Variants in SH3RF3 observed in about 807,000 individuals in gnomAD.
SH3RF3 encodes the protein E3 ubiquitin-protein ligase SH3RF3.
A neutral mutation model predicts 66.3 loss-of-function variants in SH3RF3; 29 were observed. The observed-to-expected ratio is 0.44, with a 90% confidence interval of 0.33 to 0.60. The LOEUF is 0.60. Among genes scored for constraint, SH3RF3 ranks in the 20% least tolerant of loss-of-function variants. The pLI is 0.04. For missense variants in SH3RF3, 1,194 were observed against 1,190.9 expected (o/e 1.00, Z -0.04); for synonymous variants, 583 against 532.0 (o/e 1.10, Z -1.32).
chr2:109,201,115 C>A (rs549524330), intron 1 of SH3RF3, among the ~76,000 whole-genome samples: 1 of 152,216 alleles, frequency 6.6e-6, no homozygotes, highest in Non-Finnish European at 1.5e-5. Flanking sequence ...TCAGCACAGA[C>A]CTTATTTTAT....
chr2:109,347,726 A>G lies in SH3RF3; in HGVS notation c.626A>G (p.Glu209Gly). The G allele has an allele frequency of 6.2e-7, 1 of 1,613,886 alleles. No homozygotes were observed. The highest frequency in any genetic ancestry group is 8.5e-7 in the Non-Finnish European group (1 of 1,179,850). The change falls in exon 2 of 10, where the codon GAA becomes GGA. Residue 209 changes from glutamate (E) to glycine (G), a missense_variant. By Grantham distance (98) the Glu-to-Gly change is moderately conservative (BLOSUM62 -2). Transcript: ENST00000309415. The part of the protein sequence containing the change: ...GKALYSYEGK[E>G]PGDLKFNKGD... ...GCCCTCTACAGCTACGAGGGGAAGG[A>G]ACCTGGTGACCTCAAGTTCAACAAG...
At chr2:109,264,406 GC>G (rs1350614451) in intron 1 of SH3RF3, among the ~76,000 whole-genome samples, 2 of 151,070 alleles carry the variant, frequency 1.3e-5, no homozygotes, top group African/African-American at 2.4e-5. Flanking sequence ...GTCTGTGGGT[GC>G]CCCCCATCCA....
intron 3 of SH3RF3, among the ~76,000 whole-genome samples, chr2:109,392,615 C>T (rs572245809): frequency 6.6e-6 from 1 of 152,014 alleles, no homozygotes; most frequent in East Asian, 1.9e-4. Flanking sequence ...CGTGGGTTCA[C>T]GCCAGCCGTT....
At chr2:109,176,036 T>C (rs1479373104) in intron 1 of SH3RF3, among the ~76,000 whole-genome samples, 1 of 152,004 alleles carries the variant, frequency 6.6e-6, no homozygotes, top group African/African-American at 2.4e-5. Context: ...TCCTTGAGAC[T>C]CTGTCTTCAC....
At position 109,164,593 on chromosome 2, in the gene SH3RF3, C is replaced by T. The variant is rs1558935282; in HGVS notation, c.573+34480C>T. Among the ~76,000 whole-genome samples, 2 of 152,194 alleles carry T rather than the reference C, an allele frequency of 1.3e-5. 1 individual carries two copies. The highest frequency in any genetic ancestry group is 2.9e-5 in the Non-Finnish European group (2 of 68,040). On this transcript the variant is annotated intron_variant, in intron 1 of 9. Transcript: ENST00000309415. ...TCAAACTTTCACCTTTTCTAGAACT[C>T]AGCCAGGCAGCAATGTGATGGTAAA...
chr2:109,467,432 C>T (rs1407202139), intron 8 of SH3RF3, among the ~76,000 whole-genome samples: 1 of 152,192 alleles, frequency 6.6e-6, no homozygotes, highest in Non-Finnish European at 1.5e-5. Context: ...AATGCACACC[C>T]ATGTTTAGTG....
chr2:109,132,847 G>C (rs6740122), intron 1 of SH3RF3, among the ~76,000 whole-genome samples: 1 of 152,060 alleles, frequency 6.6e-6, no homozygotes, highest in Non-Finnish European at 1.5e-5. Flanking sequence ...CAGTGCAGTG[G>C]GAGTCTTGCT....
At chr2:109,394,070 C>T (rs72943393) in intron 3 of SH3RF3, among the ~76,000 whole-genome samples, 2,141 of 152,202 alleles carry the variant, frequency 0.014, 44 homozygotes, top group African/African-American at 0.048. Context: ...CACCCTCGGA[C>T]GCAGCCACAA....
chr2:109,494,486 C>T (rs969008830), intron 9 of SH3RF3, among the ~76,000 whole-genome samples: 3 of 151,192 alleles, frequency 2.0e-5, no homozygotes, highest in Non-Finnish European at 3.0e-5. Context: ...ATGCTGACTC[C>T]TCGGGCTGGG....
At chr2:109,424,344 G>A (rs1032545229) in intron 5 of SH3RF3, among the ~76,000 whole-genome samples, 2 of 152,238 alleles carry the variant, frequency 1.3e-5, no homozygotes, top group Admixed American at 6.5e-5. Context: ...GCCACTCATC[G>A]CCCTTCAGAG....
chr2:109,201,951 A>T (rs992149611), intron 1 of SH3RF3, among the ~76,000 whole-genome samples: 6 of 152,184 alleles, frequency 3.9e-5, no homozygotes, highest in Admixed American at 6.5e-5. Context: ...ACTGGTGGAG[A>T]AGCAAATGTT....
At chr2:109,367,595 T>C (rs1198878828) in intron 2 of SH3RF3, among the ~76,000 whole-genome samples, 1 of 152,248 alleles carries the variant, frequency 6.6e-6, no homozygotes, top group Non-Finnish European at 1.5e-5. Context: ...TTTTTGAATT[T>C]AATATTAACA....
At chr2:109,245,667 A>G (rs891655076) in intron 1 of SH3RF3, among the ~76,000 whole-genome samples, 2 of 152,220 alleles carry the variant, frequency 1.3e-5, no homozygotes, top group Non-Finnish European at 2.9e-5. Flanking sequence ...CCTTGAACTG[A>G]GACCATATTT....
intron 6 of SH3RF3, among the ~76,000 whole-genome samples, chr2:109,433,815 C>G (rs1482075089): frequency 2.0e-5 from 3 of 152,152 alleles, no homozygotes; most frequent in African/African-American, 7.2e-5. Context: ...AGTTAGAGAT[C>G]CTTCGCTCAG....
At chr2:109,166,462 A>G in intron 1 of SH3RF3, among the ~76,000 whole-genome samples, 1 of 151,108 alleles carries the variant, frequency 6.6e-6, no homozygotes, top group African/African-American at 2.4e-5. Context: ...GGTGACAGAA[A>G]AAAAAAAAAA....
chr2:109,357,343 G>T lies in SH3RF3; in HGVS notation c.849+9394G>T, dbSNP rs573313996. On this transcript the variant is annotated intron_variant, in intron 2 of 9. Coordinates refer to ENST00000309415, the MANE Select transcript of SH3RF3 (RefSeq NM_001099289.3). ...ACTACAGGCACCCACCACCATGCCC[G>T]GATAATTTTGTGTATTTTTAGTAGA... is the stretch of plus-strand genomic sequence containing the variant. 3.3e-5 allele frequency among the ~76,000 whole-genome samples: 5 copies of T among 152,000 alleles called. No individual in the cohort carries two copies. In the South Asian group the frequency reaches 1.0e-3, roughly 32 times the overall value.
At chr2:109,189,206 A>T (rs556258522) in intron 1 of SH3RF3, among the ~76,000 whole-genome samples, 2 of 151,630 alleles carry the variant, frequency 1.3e-5, no homozygotes, top group South Asian at 4.2e-4. Flanking sequence ...TACCCCCGAG[A>T]TAGAGGAGGC....
At chr2:109,363,667 C>T (rs1442983928) in intron 2 of SH3RF3, among the ~76,000 whole-genome samples, 3 of 152,182 alleles carry the variant, frequency 2.0e-5, no homozygotes, top group East Asian at 3.8e-4. Flanking sequence ...AACACATTCA[C>T]TCAATTCTTG....
intron 8 of SH3RF3, among the ~76,000 whole-genome samples, chr2:109,477,782 C>A (rs1173310318): frequency 6.6e-6 from 1 of 152,176 alleles, no homozygotes; most frequent in Non-Finnish European, 1.5e-5. Flanking sequence ...CGTGTCCTCA[C>A]GTGGTCAATA....
Sources: allele counts gnomAD v4.1 joint callset (sites outside exome capture counted in the v4.1 genomes callset), GRCh38; gene constraint gnomAD v4.1.1; transcripts MANE v1.5; gene names NCBI Gene and HGNC (gene_info 2026-07-23, HGNC 2026-07-21).